The following DPP6 variants were observed in gnomAD, a reference collection of about 807,000 sequenced individuals.
DPP6 encodes dipeptidyl peptidase like 6.
A neutral mutation model predicts 122.6 loss-of-function variants in DPP6; 69 were observed. The observed-to-expected ratio is 0.56, with a 90% confidence interval of 0.46 to 0.69. The LOEUF is 0.69. DPP6 is among the 30% of genes least tolerant of loss of function. The pLI, the probability that DPP6 is intolerant of heterozygous loss-of-function variation, is 0.00. For missense variants in DPP6, 928 were observed against 1,116.9 expected, an observed-to-expected ratio of 0.83 and a Z score of 2.41; for synonymous variants, 418 against 433.1, an observed-to-expected ratio of 0.97 and a Z score of 0.43.
intron 16 of DPP6, among the ~76,000 whole-genome samples, chr7:154,820,836 A>C (rs1448179452): frequency 6.6e-6 from 1 of 152,228 alleles, no homozygotes; most frequent in Non-Finnish European, 1.5e-5. Context: ...AAACCTAATG[A>C]GTGTAATTCT....
intron 17 of DPP6, among the ~76,000 whole-genome samples, chr7:154,864,523 C>T (rs889028092): frequency 7.2e-5 from 11 of 152,328 alleles, no homozygotes; most frequent in Non-Finnish European, 1.3e-4. Context: ...CCCCACTGCC[C>T]TGAAGTCAAA....
intron 1 of DPP6, among the ~76,000 whole-genome samples, chr7:154,382,844 G>C (rs1194532640): frequency 6.6e-6 from 1 of 152,184 alleles, no homozygotes; most frequent in Non-Finnish European, 1.5e-5. Context: ...TCCTGCCTCA[G>C]CCTCCCAAGT....
chr7:153,759,925 C>G, the DPP6 span, among the ~76,000 whole-genome samples: 6 of 147,236 alleles, frequency 4.1e-5, no homozygotes, highest in African/African-American at 1.5e-4. Flanking sequence ...GTCTCTCTCT[C>G]TCTCTCTCTG....
intron 1 of DPP6, chr7:154,058,491 C>A (rs796823383): frequency 3.7e-5 from 5 of 135,928 alleles, no homozygotes; most frequent in African/African-American, 5.6e-5. Flanking sequence ...GGGGGAGGCA[C>A]CCTCCGCGAG....
intron 7 of DPP6, among the ~76,000 whole-genome samples, chr7:154,679,631 T>A (rs954216326): frequency 2.6e-5 from 4 of 152,204 alleles, no homozygotes; most frequent in Admixed American, 1.3e-4. Flanking sequence ...AGATTGATCT[T>A]TCCAGCAAGA....
At chr7:154,535,945 C>T (rs548344975) in intron 3 of DPP6, among the ~76,000 whole-genome samples, 1 of 152,248 alleles carries the variant, frequency 6.6e-6, no homozygotes, top group South Asian at 2.1e-4. Flanking sequence ...GGTATAGCTA[C>T]TTTGGAAAAT....
chr7:154,839,744 A>G (rs1484283922), intron 16 of DPP6, among the ~76,000 whole-genome samples: 1 of 152,230 alleles, frequency 6.6e-6, no homozygotes, highest in Non-Finnish European at 1.5e-5. Context: ...GTGCTCAGGC[A>G]AAGAACAGCA....
intron 16 of DPP6, among the ~76,000 whole-genome samples, chr7:154,829,534 G>A (rs1014932525): frequency 2.0e-5 from 3 of 150,712 alleles, no homozygotes; most frequent in Non-Finnish European, 3.0e-5. Flanking sequence ...AGGGAGGAAG[G>A]GAAAAAGAGA....
intron 4 of DPP6, among the ~76,000 whole-genome samples, chr7:154,550,748 CTTTTTTT>C (rs35197365): frequency 1.6e-5 from 2 of 126,850 alleles, no homozygotes; most frequent in African/African-American, 5.7e-5. Flanking sequence ...AATTTTAGTT[CTTTTTTT>C]TTTTTTTTTT....
intron 1 of DPP6, among the ~76,000 whole-genome samples, chr7:154,060,228 T>C (rs1801520879): frequency 7.9e-6 from 1 of 126,136 alleles, no homozygotes; most frequent in East Asian, 2.4e-4. Flanking sequence ...CCCCCTTTGC[T>C]CTTAGGATCC....
intron 3 of DPP6, among the ~76,000 whole-genome samples, chr7:154,496,007 C>A (rs1167059714): frequency 1.3e-5 from 2 of 152,184 alleles, no homozygotes; most frequent in Non-Finnish European, 2.9e-5. Context: ...TGGGATTCAA[C>A]AATAGGGAAT....
chr7:154,588,229 G>A (rs1012382950), intron 5 of DPP6: 1 of 1,394,264 alleles, frequency 7.2e-7, no homozygotes, highest in East Asian at 2.5e-5. Flanking sequence ...AGGAGGGAGG[G>A]AGGGACCCTC....
At chr7:154,791,023 T>A (rs1258709039) in intron 10 of DPP6, among the ~76,000 whole-genome samples, 1 of 152,038 alleles carries the variant, frequency 6.6e-6, no homozygotes, top group East Asian at 1.9e-4. Flanking sequence ...AGGCCGAGGC[T>A]GGCAGATTAC....
the DPP6 span, among the ~76,000 whole-genome samples, chr7:153,841,539 G>C: frequency 6.6e-6 from 1 of 152,196 alleles, no homozygotes; most frequent in Admixed American, 6.5e-5. Flanking sequence ...GCATTACCAG[G>C]AAGATTTGTG....
intron 1 of DPP6, among the ~76,000 whole-genome samples, chr7:154,382,725 A>T (rs1813736338): frequency 6.6e-6 from 1 of 151,888 alleles, no homozygotes; most frequent in Admixed American, 6.6e-5. Context: ...ATATTTTAGT[A>T]TTCCTTTTTG....
chr7:154,575,053 GTGGTGTGTT>G (rs1344894853), intron 5 of DPP6, among the ~76,000 whole-genome samples: 13 of 138,808 alleles, frequency 9.4e-5, no homozygotes, highest in Non-Finnish European at 1.8e-4. Context: ...TGTGGTGTGT[GTGGTGTGTT>G]TGGTGTGTTG....
intron 25 of DPP6, chr7:154,889,752 T>A: frequency 2.8e-6 from 2 of 706,156 alleles, no homozygotes; most frequent in Non-Finnish European, 4.5e-6. Flanking sequence ...TTTAAATCCC[T>A]TTAGGACAAC....
At position 154,798,062 on chromosome 7, in the gene DPP6, G is replaced by A. The variant is rs143034309; in HGVS notation, c.1299+2179G>A. On this transcript the variant is annotated intron_variant, in intron 12 of 25. Coordinates refer to ENST00000377770, the MANE Select transcript of DPP6 (RefSeq NM_130797.4). ...GAGGAGGTGAGGGACGTGATTCTTTGTTGGGGGCAGGGAGGCTATGGGAAA... is the reference window on the plus strand; with the variant it reads ...GAGGAGGTGAGGGACGTGATTCTTTATTGGGGGCAGGGAGGCTATGGGAAA... Among the ~76,000 whole-genome samples, 5 of 152,338 alleles carry A rather than the reference G, an allele frequency of 3.3e-5. No individual in the cohort carries two copies. In the East Asian group the frequency reaches 5.8e-4, roughly 18 times the overall value.
chr7:154,036,983 T>C (rs1417691602), intron 1 of DPP6, among the ~76,000 whole-genome samples: 1 of 152,188 alleles, frequency 6.6e-6, no homozygotes, highest in Non-Finnish European at 1.5e-5. Flanking sequence ...AAAAGGAAAT[T>C]AAGAAATCCA....
Sources: gnomAD v4.1 joint callset for allele counts (sites outside exome capture counted in the v4.1 genomes callset) on GRCh38, gnomAD v4.1.1 for gene constraint, MANE v1.5 for transcripts, NCBI Gene and HGNC (gene_info 2026-07-23, HGNC 2026-07-21) for gene names.